SSUH2: variants seen among roughly 807,000 people sequenced by gnomAD.
SSUH2 encodes the protein protein SSUH2 homolog.
Under a neutral mutation model 55.3 loss-of-function variants are expected in SSUH2, and 47 were observed. That is an observed-to-expected ratio of 0.85 (90% confidence interval 0.67 to 1.08). The LOEUF (loss-of-function observed/expected upper bound fraction) is 1.08. SSUH2 is among the 50% of genes least tolerant of loss of function. The pLI, the probability that SSUH2 is intolerant of heterozygous loss-of-function variation, is 0.00. For synonymous variants in SSUH2, 212 were observed against 191.5 expected, an observed-to-expected ratio of 1.11 and a Z score of -0.89; for missense variants, 535 against 490.7, an observed-to-expected ratio of 1.09 and a Z score of -0.85.
chr3:8,668,713 T>A (rs887729438), intron 5 of SSUH2, among the ~76,000 whole-genome samples: 3 of 152,214 alleles, frequency 2.0e-5, no homozygotes, highest in African/African-American at 4.8e-5. Flanking sequence ...TATTCTGGAA[T>A]TTATTTGTAA....
exon 2 of SSUH2, chr3:8,679,725 G>C (rs1705829905): frequency 5.4e-6 from 1 of 184,852 alleles, no homozygotes; most frequent in Non-Finnish European, 1.0e-5. Flanking sequence ...GTGGGTATTA[G>C]GTGTCTAAGA....
chr3:8,660,658 C>A (rs983103367), intron 6 of SSUH2, among the ~76,000 whole-genome samples: 1 of 96,758 alleles, frequency 1.0e-5, no homozygotes, highest in Non-Finnish European at 2.1e-5. Context: ...CTATATTTAG[C>A]CTGTTCTTGT....
chr3:8,622,244 A>C (rs1328825865), intron 11 of SSUH2, among the ~76,000 whole-genome samples: 1 of 152,224 alleles, frequency 6.6e-6, no homozygotes, highest in Non-Finnish European at 1.5e-5. Context: ...AAAAAGATTC[A>C]GAGAAGTGAC....
intron 3 of SSUH2, among the ~76,000 whole-genome samples, chr3:8,672,599 C>A (rs1014076085): frequency 6.6e-6 from 1 of 152,118 alleles, no homozygotes; most frequent in Non-Finnish European, 1.5e-5. Context: ...TGGGTGTACA[C>A]CCCCTGCTGT....
At chr3:8,641,507 CCTGT>C (rs1700839349) in intron 1 of SSUH2, among the ~76,000 whole-genome samples, 1 of 152,100 alleles carries the variant, frequency 6.6e-6, no homozygotes, top group African/African-American at 2.4e-5. Context: ...GCCTGGGGAT[CCTGT>C]CTAAGCTGTA....
At chr3:8,670,417 A>T (rs1575370503) in intron 5 of SSUH2, among the ~76,000 whole-genome samples, 1 of 152,068 alleles carries the variant, frequency 6.6e-6, no homozygotes, top group East Asian at 1.9e-4. Flanking sequence ...CATCAGGAGT[A>T]ACATTCCCCT....
intron 7 of SSUH2, chr3:8,652,138 T>C (rs1164925504): frequency 2.0e-5 from 3 of 152,254 alleles, no homozygotes; most frequent in Admixed American, 2.0e-4. Context: ...AATCAAACAA[T>C]CACATGATCA....
chr3:8,675,990 G>A (rs1705213156), intron 3 of SSUH2, among the ~76,000 whole-genome samples: 1 of 152,064 alleles, frequency 6.6e-6, no homozygotes, highest in African/African-American at 2.4e-5. Flanking sequence ...CCCGTTTGAG[G>A]GCCTTGGCAG....
Position 8,633,750 on chromosome 3 carries a change from G to T in SSUH2, c.255C>A (p.Ser85Arg). The T allele has an allele frequency of 6.2e-7, 1 of 1,609,370 alleles. No individual in the cohort carries two copies. The highest frequency in any genetic ancestry group is 8.5e-7 in the Non-Finnish European group (1 of 1,177,496). ...TEEVAREALL[S>R]FVDSKCCYSS... is the part of the protein sequence containing the mutation. ...TGTAGCAGCACTTAGAGTCCACAAA[G>T]CTGAGGAGGGCTTCCCGGGCCACCT... Residue 85 changes from serine (S) to arginine (R), a missense_variant, in exon 4 of 12, where the codon AGC (serine) becomes AGA (arginine). Ser to Arg is a moderately radical substitution (Grantham distance 110, BLOSUM62 -1). Coordinates refer to ENST00000544814, the MANE Select transcript of SSUH2 (RefSeq NM_001256748.3).
chr3:8,679,453 G>A (rs1263346937), intron 2 of SSUH2, among the ~76,000 whole-genome samples: 28 of 134,770 alleles, frequency 2.1e-4, no homozygotes, highest in Non-Finnish European at 4.0e-4. Context: ...AGCGGGGGGA[G>A]GCACCCCCCG....
intron 7 of SSUH2, among the ~76,000 whole-genome samples, chr3:8,656,892 TTTGA>T (rs1441382798): frequency 2.0e-5 from 3 of 149,028 alleles, no homozygotes; most frequent in African/African-American, 7.4e-5. Flanking sequence ...TGTTTGTTTG[TTTGA>T]GACAGAGTCT....
At chr3:8,629,605 C>G in intron 7 of SSUH2, 59 bp downstream of exon 7, 1 of 1,578,102 alleles carries the variant, frequency 6.3e-7, no homozygotes, top group Non-Finnish European at 8.7e-7. Flanking sequence ...CCCGCTGTCC[C>G]CAGGATCCCC....
rs566893114 is a variant in SSUH2, at chr3:8,679,678, G to C, written c.-901+27C>G. ...CCCCCCCTGGCTTAGGACCCCCATC[G>C]CGGATTCTAAGATCCTTAGGACCCA... On this transcript the variant is annotated intron_variant, in intron 2 of 18. Coordinates refer to the SSUH2 transcript ENST00000317371. 2 of 205,454 alleles carry C rather than the reference G, an allele frequency of 9.7e-6. 1 individual carries two copies. The allele number at this position is 205,454 out of a possible 1,614,324, so 12.7% of individuals were successfully genotyped here.
intron 7 of SSUH2, among the ~76,000 whole-genome samples, chr3:8,656,574 C>T (rs915721581): frequency 1.3e-5 from 2 of 152,158 alleles, no homozygotes; most frequent in African/African-American, 4.8e-5. Flanking sequence ...AGGCTGGGGA[C>T]ACGACGGGGA....
intron 7 of SSUH2, among the ~76,000 whole-genome samples, chr3:8,654,366 ACAT>A (rs1353943240): frequency 1.3e-5 from 2 of 152,182 alleles, no homozygotes; most frequent in African/African-American, 4.8e-5. Flanking sequence ...CTTTCACTCA[ACAT>A]CATGTTTGTA....
chr3:8,619,396 C>T lies in SSUH2; in HGVS notation c.*472G>A, dbSNP rs906216910. On this transcript the variant is annotated 3_prime_UTR_variant, in exon 12 of 12. Coordinates refer to ENST00000544814, the MANE Select transcript of SSUH2 (RefSeq NM_001256748.3). ...TCCTGATCCACAGAATGGGCAGTAA[C>T]ATATTGCACTTTATGCCTAAGTGCA... is the stretch of plus-strand genomic sequence containing the variant. 4.5e-5 allele frequency: 7 copies of T among 154,630 alleles called. No individual in the cohort carries two copies. Among genetic ancestry groups the T allele is most frequent in the Non-Finnish European group, 1.0e-4 (7 of 69,830 alleles). The allele number at this position is 154,630 out of a possible 1,614,324, so 9.6% of individuals were successfully genotyped here. A position where few individuals can be genotyped will look rare whatever the true frequency, so the allele number is the denominator to read the frequency against.
chr3:8,654,363 T>TCAA (rs1408474041), intron 7 of SSUH2, among the ~76,000 whole-genome samples: 1 of 152,234 alleles, frequency 6.6e-6, no homozygotes, highest in Non-Finnish European at 1.5e-5. Flanking sequence ...CTTCTTTCAC[T>TCAA]CAACATCATG....
At chr3:8,635,171 TGGTGCAG>T (rs1159440857) in intron 3 of SSUH2, 122 bp downstream of exon 3, 1 of 683,784 alleles carries the variant, frequency 1.5e-6, no homozygotes, top group African/African-American at 1.8e-5. Context: ...CTGGAGGATC[TGGTGCAG>T]TAGGTCTGGG....
Position 8,637,770 on chromosome 3 carries a change from C to T in SSUH2, c.29-1913G>A, listed in dbSNP as rs552900395. Among the ~76,000 whole-genome samples the T allele has an allele frequency of 1.7e-4, 26 of 152,330 alleles. 2 individuals are homozygous for T. In the South Asian group the frequency reaches 5.4e-3, roughly 32 times the overall value. On this transcript the variant is annotated intron_variant, in intron 1 of 11. Coordinates refer to ENST00000544814, the MANE Select transcript of SSUH2 (RefSeq NM_001256748.3). The stretch of plus-strand genomic sequence containing the variant: ...AAATGGTCATGGAAGGGGACACCGT[C>T]TGTCTCAGTCACTGAAGCAAACTCA...
Sources: allele counts gnomAD v4.1 joint callset (sites outside exome capture counted in the v4.1 genomes callset), GRCh38; gene constraint gnomAD v4.1.1; transcripts MANE v1.5; gene names NCBI Gene and HGNC (gene_info 2026-07-23, HGNC 2026-07-21).